MAPK9: variants seen among roughly 807,000 people sequenced by gnomAD.
The protein encoded by MAPK9 is mitogen-activated protein kinase 9, also known as Jun kinase.
MAPK9 carries 30 observed loss-of-function variants against 57.1 expected under a neutral mutation model. The ratio of observed to expected loss-of-function variants is 0.53; its 90% CI spans 0.39 to 0.71. The LOEUF (loss-of-function observed/expected upper bound fraction) is 0.71, where lower values mean the gene tolerates loss of function less well. MAPK9 is among the 30% of genes least tolerant of loss of function. The probability of loss-of-function intolerance (pLI) is 0.00; values close to 1 mark genes in which losing one functional copy is unlikely to be tolerated. For missense variants in MAPK9, 362 were observed against 521.0 expected (o/e 0.69, Z 2.97); for synonymous variants, 155 against 177.0 (o/e 0.88, Z 0.99).
intron 1 of MAPK9, among the ~76,000 whole-genome samples, chr5:180,282,534 A>C (rs1053561405): frequency 4.6e-5 from 7 of 152,222 alleles, no homozygotes; most frequent in Non-Finnish European, 1.0e-4. Flanking sequence ...TTCAAGGAGG[A>C]GGCGGCATCC....
At chr5:180,243,908 C>T (rs1757854262) in intron 7 of MAPK9, among the ~76,000 whole-genome samples, 2 of 152,182 alleles carry the variant, frequency 1.3e-5, no homozygotes, top group Non-Finnish European at 2.9e-5. Context: ...AGTGCAGTGG[C>T]ATGATCTCGG....
At chr5:180,253,792 A>C (rs1211245841) in intron 5 of MAPK9, 1 of 152,278 alleles carries the variant, frequency 6.6e-6, no homozygotes, top group Non-Finnish European at 1.5e-5. Flanking sequence ...CCAGGCTTAC[A>C]TCCCTCCACC....
rs532346854 is a variant in MAPK9, at chr5:180,241,299, C to T, written c.872-144G>A. The stretch of plus-strand genomic sequence containing the variant: ...TTGATAGGTTCAAGATGAATATAAC[C>T]CAAAATTTTTTTTTTTTTTTTCGGA... On this transcript the variant is annotated intron_variant, in intron 8 of 11. Coordinates refer to ENST00000452135, the MANE Select transcript of MAPK9 (RefSeq NM_002752.5). The T allele has an allele frequency of 2.4e-5, 21 of 888,858 alleles. No individual in the cohort carries two copies. The African/African-American group carries it at 3.3e-4, about 14-fold the overall frequency. 55.1% of individuals were successfully genotyped at this position (888,858 alleles called of 1,614,324 possible). A position where few individuals can be genotyped will look rare whatever the true frequency, so the allele number is the denominator to read the frequency against.
chr5:180,276,368 T>C (rs973594941), intron 2 of MAPK9, among the ~76,000 whole-genome samples: 6 of 152,144 alleles, frequency 3.9e-5, no homozygotes, highest in African/African-American at 7.2e-5. Context: ...AAGCATTTCA[T>C]AGAATGGTTT....
At chr5:180,279,914 C>A (rs1239539805) in intron 2 of MAPK9, 1 of 456,408 alleles carries the variant, frequency 2.2e-6, no homozygotes, top group Non-Finnish European at 4.4e-6. Flanking sequence ...AGTGAGACAC[C>A]AAGGAAGAGA....
intron 7 of MAPK9, among the ~76,000 whole-genome samples, chr5:180,244,778 GAAAAA>G (rs77077681): frequency 1.6e-5 from 2 of 127,388 alleles, no homozygotes; most frequent in Non-Finnish European, 3.2e-5. Context: ...TGTCTCAAAG[GAAAAA>G]AAAAAAAAAA....
At chr5:180,258,611 G>T (rs1759552973) in intron 5 of MAPK9, among the ~76,000 whole-genome samples, 1 of 151,976 alleles carries the variant, frequency 6.6e-6, no homozygotes, top group Admixed American at 6.6e-5. Flanking sequence ...TCCCTTAGAA[G>T]ACATGAAAGA....
intron 11 of MAPK9, chr5:180,237,851 G>A (rs35299212): frequency 6.6e-6 from 1 of 152,500 alleles, no homozygotes; most frequent in East Asian, 1.9e-4. Flanking sequence ...GTTGAATCGG[G>A]AAAGACGCCA....
In MAPK9 at chr5:180,236,459, G is replaced by A. The variant is rs1437588628; in HGVS notation, c.1200C>T (p.Ser400=). 1 of 1,614,068 alleles carries A rather than the reference G, an allele frequency of 6.2e-7. No homozygotes were observed. The highest frequency in any genetic ancestry group is 8.5e-7 in the Non-Finnish European group (1 of 1,179,942). Residue 400 remains serine, a synonymous_variant, in exon 12 of 12, where the codon TCC becomes TCT. Transcript: ENST00000452135. The stretch of plus-strand genomic sequence containing the variant: ...TGTCTGAGGCCAGCGTCTGCTCAGT[G>A]GACATGGATGAAATGTCATTGATCG... ...SSSINDISSM[S]TEQTLASDTD... is the part of the protein sequence containing the mutation.
At chr5:180,282,081 G>A (rs1762363212) in intron 1 of MAPK9, among the ~76,000 whole-genome samples, 1 of 152,204 alleles carries the variant, frequency 6.6e-6, no homozygotes, top group South Asian at 2.1e-4. Context: ...TAGGAGGTGC[G>A]AGGCAGGTCT....
chr5:180,280,644 CG>C (rs1326021500), intron 1 of MAPK9, 36 bp from the exon 2 acceptor site: 5 of 1,521,798 alleles, frequency 3.3e-6, no homozygotes, highest in African/African-American at 2.7e-5. Flanking sequence ...GCATTCTTAC[CG>C]GAAGTACATA....
Position 180,247,371 on chromosome 5 carries a change from A to G in MAPK9, c.688+68T>C. 1.3e-6 allele frequency: 2 copies of G among 1,583,828 alleles called. No homozygotes were observed. The highest frequency in any genetic ancestry group is 1.7e-4 in the Middle Eastern group (1 of 5,994). On this transcript the variant is annotated intron_variant, in intron 7 of 11. Transcript: ENST00000452135. This position sits in a 1 kb window ranked among gnomAD's most constrained non-coding sequence, Gnocchi z 4.5. ...ACTTTGTCCTCGTGAGCGCTCGTGT[A>G]AGCAGGTGGTCATGCTGCCTGAGGC...
At chr5:180,279,650 T>G (rs192168684) in intron 2 of MAPK9, 1 of 356,250 alleles carries the variant, frequency 2.8e-6, no homozygotes, top group African/African-American at 2.1e-5. Flanking sequence ...CCACGGTTTC[T>G]TTAGGCGCAA....
chr5:180,273,893 G>A (rs1761585151), intron 2 of MAPK9, among the ~76,000 whole-genome samples: 1 of 152,184 alleles, frequency 6.6e-6, no homozygotes, highest in Non-Finnish European at 1.5e-5. Context: ...ACATCTCGCA[G>A]AGGGAGTGTT....
chr5:180,249,584 T>C (rs1431504000), intron 5 of MAPK9, among the ~76,000 whole-genome samples: 1 of 152,154 alleles, frequency 6.6e-6, no homozygotes, highest in East Asian at 1.9e-4. Context: ...CCCAATACTC[T>C]GACTCTCTCT....
intron 2 of MAPK9, among the ~76,000 whole-genome samples, chr5:180,279,021 G>C (rs968958006): frequency 6.7e-6 from 1 of 149,680 alleles, no homozygotes; most frequent in South Asian, 2.1e-4. Context: ...GCAGTGGCGC[G>C]ATCTTGGCTC....
At chr5:180,245,911 G>C (rs1209976984) in intron 7 of MAPK9, 2 of 152,150 alleles carry the variant, frequency 1.3e-5, no homozygotes, top group Non-Finnish European at 2.9e-5. Context: ...TCTAATATTT[G>C]AAAGAGTTGG....
At chr5:180,278,491 A>G (rs975775806) in intron 2 of MAPK9, among the ~76,000 whole-genome samples, 2 of 152,166 alleles carry the variant, frequency 1.3e-5, no homozygotes, top group Admixed American at 6.5e-5. Context: ...CATGAGGTCA[A>G]GAGATCGAGA....
At chr5:180,265,443 T>C (rs1490939781) in intron 3 of MAPK9, among the ~76,000 whole-genome samples, 1 of 152,326 alleles carries the variant, frequency 6.6e-6, no homozygotes, top group Middle Eastern at 3.4e-3. Flanking sequence ...CGTGCTGTTC[T>C]TGTGACAGTG....
Sources: allele counts gnomAD v4.1 joint callset (sites outside exome capture counted in the v4.1 genomes callset), GRCh38; gene constraint gnomAD v4.1.1; non-coding constraint Gnocchi (gnomAD v3.1); transcripts MANE v1.5; gene names NCBI Gene and HGNC (gene_info 2026-07-23, HGNC 2026-07-21).